Variants in LDB3 observed in about 807,000 individuals in gnomAD.
The protein encoded by LDB3 is LIM domain-binding protein 3.
A neutral mutation model predicts 69.0 loss-of-function variants in LDB3; 49 were observed. The ratio of observed to expected loss-of-function variants is 0.71; its 90% CI spans 0.56 to 0.90. LDB3 has a LOEUF of 0.90. LDB3 is among the 40% of genes least tolerant of loss of function. The pLI, the probability that LDB3 is intolerant of heterozygous loss-of-function variation, is 0.00. For synonymous variants in LDB3, 387 were observed against 396.2 expected, an observed-to-expected ratio of 0.98 and a Z score of 0.28; for missense variants, 928 against 974.1, an observed-to-expected ratio of 0.95 and a Z score of 0.63.
chr10:86,700,087 C>T (rs1846195596), intron 7 of LDB3: 1 of 983,664 alleles, frequency 1.0e-6, no homozygotes, highest in Admixed American at 6.1e-5. Context: ...GTGTGTCCCA[C>T]CCAAGAGGGG....
chr10:86,694,388 G>A (rs908404530), intron 7 of LDB3, among the ~76,000 whole-genome samples: 8 of 152,078 alleles, frequency 5.3e-5, no homozygotes, highest in Admixed American at 3.3e-4. Flanking sequence ...GGCAGCTTTC[G>A]GAGCCTCTCC....
At chr10:86,713,379 T>G (rs1846744186) in intron 9 of LDB3, among the ~76,000 whole-genome samples, 1 of 151,940 alleles carries the variant, frequency 6.6e-6, no homozygotes, top group African/African-American at 2.4e-5. Context: ...CCCGAGTAGC[T>G]GGGTTTACAA....
intron 5 of LDB3, among the ~76,000 whole-genome samples, chr10:86,689,683 G>A (rs939348647): frequency 6.6e-6 from 1 of 152,312 alleles, no homozygotes; most frequent in East Asian, 1.9e-4. Flanking sequence ...ACCTCTTGGA[G>A]GCCACTCCCC....
chr10:86,694,465 A>G (rs7069570), intron 7 of LDB3, among the ~76,000 whole-genome samples: 9,125 of 152,092 alleles, frequency 0.06, 858 homozygotes, highest in African/African-American at 0.2. Context: ...GGCTCCAGTT[A>G]GCTTCCTCCC....
chr10:86,715,204 T>TGCAGTCCATCCTGCCC (rs1400989030), intron 9 of LDB3, among the ~76,000 whole-genome samples: 8 of 152,240 alleles, frequency 5.3e-5, no homozygotes, highest in Non-Finnish European at 8.8e-5. Context: ...AGGGACTGCC[T>TGCAGTCCATCCTGCCC]CAATGCAGTC....
intron 7 of LDB3, among the ~76,000 whole-genome samples, chr10:86,703,413 G>A (rs1336856315): frequency 6.6e-6 from 1 of 152,246 alleles, no homozygotes; most frequent in Non-Finnish European, 1.5e-5. Flanking sequence ...TTCGTGGAAG[G>A]GCCAGGGCCA....
chr10:86,718,887 C>T (rs778314515), intron 12 of LDB3, 40 bp downstream of exon 12: 2 of 1,613,000 alleles, frequency 1.2e-6, no homozygotes, highest in South Asian at 2.2e-5. Context: ...GCCCCACAGC[C>T]TGGGAGAAAG....
chr10:86,723,964 C>T lies in LDB3; in HGVS notation c.1979-2173C>T, dbSNP rs540462386. Among the ~76,000 whole-genome samples the T allele has an allele frequency of 2.0e-5, 3 of 152,340 alleles. No individual in the cohort carries two copies. The South Asian group carries it at 6.2e-4, about 32-fold the overall frequency. On this transcript the variant is annotated intron_variant, in intron 12 of 13. Coordinates refer to ENST00000361373, the MANE Select transcript of LDB3 (RefSeq NM_007078.3). ...TTGGAGTCCATCAGGACTGGGGCTA[C>T]TCCTTATGACTTCTGTGATGGAACC...
intron 9 of LDB3, among the ~76,000 whole-genome samples, chr10:86,711,477 C>A (rs1262098084): frequency 6.6e-6 from 1 of 151,924 alleles, no homozygotes; most frequent in Non-Finnish European, 1.5e-5. Flanking sequence ...ACCTCCCTCT[C>A]CGGGAGGCCC....
intron 9 of LDB3, among the ~76,000 whole-genome samples, chr10:86,714,722 A>T (rs550494493): frequency 6.6e-6 from 1 of 151,718 alleles, no homozygotes; most frequent in East Asian, 1.9e-4. Context: ...CACCCAGCTA[A>T]TTTTTTGTAT....
At chr10:86,675,183 C>T (rs920910516) in intron 2 of LDB3, among the ~76,000 whole-genome samples, 2 of 140,066 alleles carry the variant, frequency 1.4e-5, no homozygotes, top group African/African-American at 2.4e-5. Context: ...TGGGAGCAAG[C>T]ATCCCCCCGG....
rs573061464 is a variant in LDB3 at position 86,691,939 on chromosome 10, G to T, written c.733G>T (p.Val245Phe). The T allele has an allele frequency of 6.2e-7, 1 of 1,614,136 alleles. No homozygotes were observed. The highest frequency in any genetic ancestry group is 8.5e-7 in the Non-Finnish European group (1 of 1,180,048). ...CCTTGCCGTAGACAGCGCCTCTCCC[G>T]TCTACCAGGCTGTGATTAAGAGCCA... is the stretch of plus-strand genomic sequence containing the variant. The part of the protein sequence containing the change: ...KDLAVDSASP[V>F]YQAVIKSQNK... The change falls in exon 6 of 14, where the codon GTC becomes TTC. Residue 245 changes from valine (V) to phenylalanine (F), a missense_variant. Val to Phe is a conservative substitution (Grantham distance 50). Transcript: ENST00000361373.
chr10:86,690,069 C>G (rs536870156), intron 5 of LDB3, among the ~76,000 whole-genome samples: 58 of 152,280 alleles, frequency 3.8e-4, no homozygotes, highest in Middle Eastern at 6.8e-3. Context: ...TTTCTTGAAC[C>G]CTTGGAGCCA....
intron 5 of LDB3, chr10:86,685,623 C>G: frequency 1.9e-6 from 3 of 1,597,656 alleles, no homozygotes; most frequent in Non-Finnish European, 2.6e-6. Context: ...CTCAAACTGC[C>G]CCTGGTGGAG....
At chr10:86,678,194 C>T (rs1390710184) in intron 2 of LDB3, among the ~76,000 whole-genome samples, 3 of 152,102 alleles carry the variant, frequency 2.0e-5, no homozygotes, top group Non-Finnish European at 4.4e-5. Flanking sequence ...ACTACAGGCA[C>T]ATGCCACCAT....
intron 4 of LDB3, 54 bp from the exon 5 acceptor site, chr10:86,681,380 CGT>C: frequency 6.3e-7 from 1 of 1,596,110 alleles, no homozygotes; most frequent in Non-Finnish European, 8.5e-7. Context: ...CGCTGGGACG[CGT>C]GTGGCCTCTA....
intron 2 of LDB3, among the ~76,000 whole-genome samples, chr10:86,669,208 G>A (rs934205444): frequency 2.6e-5 from 4 of 152,170 alleles, no homozygotes; most frequent in Admixed American, 6.5e-5. Context: ...GCAGGTGATG[G>A]GCAGTTGGAT....
chr10:86,728,788 G>C (rs1352769100), intron 13 of LDB3, among the ~76,000 whole-genome samples: 1 of 151,806 alleles, frequency 6.6e-6, no homozygotes, highest in Admixed American at 6.6e-5. Context: ...CACCATCTTG[G>C]CCAGGCTGGT....
chr10:86,688,620 C>A (rs1845615556), intron 5 of LDB3, among the ~76,000 whole-genome samples: 2 of 152,176 alleles, frequency 1.3e-5, no homozygotes, highest in African/African-American at 4.8e-5. Flanking sequence ...TATGACCATG[C>A]AAGTTTACAA....
Sources: gnomAD v4.1 joint callset for allele counts (sites outside exome capture counted in the v4.1 genomes callset) on GRCh38, gnomAD v4.1.1 for gene constraint, MANE v1.5 for transcripts, NCBI Gene and HGNC (gene_info 2026-07-23, HGNC 2026-07-21) for gene names.